The following ARFGEF1 variants were observed in gnomAD, a reference collection of about 807,000 sequenced individuals.
ARFGEF1 encodes the protein ARF guanine nucleotide exchange factor 1.
In ARFGEF1, 42 loss-of-function variants were observed where a neutral mutation model predicts 231.0. The ratio of observed to expected loss-of-function variants is 0.18; its 90% confidence interval spans 0.14 to 0.24. ARFGEF1 has a LOEUF of 0.24. ARFGEF1 is among the 10% of genes least tolerant of loss of function. The pLI, the probability that ARFGEF1 is intolerant of heterozygous loss-of-function variation, is 1.00. For synonymous variants in ARFGEF1, 710 were observed against 732.3 expected (o/e 0.97, Z 0.49); for missense variants, 1,345 against 2,192.0 (o/e 0.61, Z 7.72).
At chr8:67,333,178 G>A (rs1448814608) in intron 1 of ARFGEF1, among the ~76,000 whole-genome samples, 1 of 151,928 alleles carries the variant, frequency 6.6e-6, no homozygotes, top group Non-Finnish European at 1.5e-5. Flanking sequence ...TGGACTACAG[G>A]CACGCACCAC....
At chr8:67,205,682 C>A (rs767278355) in intron 34 of ARFGEF1, among the ~76,000 whole-genome samples, 1 of 151,768 alleles carries the variant, frequency 6.6e-6, no homozygotes, top group Non-Finnish European at 1.5e-5. Context: ...CATGATGAAA[C>A]CCCATCTTTA....
chr8:67,257,697 C>A, intron 17 of ARFGEF1, 35 bp downstream of exon 17: 1 of 1,449,612 alleles, frequency 6.9e-7, no homozygotes, highest in Non-Finnish European at 9.6e-7. Context: ...TATTTTGTAC[C>A]GCTTATTGTA....
intron 34 of ARFGEF1, among the ~76,000 whole-genome samples, chr8:67,206,368 C>A (rs1459484240): frequency 2.0e-5 from 3 of 149,136 alleles, no homozygotes; most frequent in African/African-American, 7.5e-5. Flanking sequence ...TGAGATGACA[C>A]CACTGCACTC....
intron 1 of ARFGEF1, among the ~76,000 whole-genome samples, chr8:67,334,132 G>A (rs192394236): frequency 4.8e-4 from 57 of 118,678 alleles, no homozygotes; most frequent in African/African-American, 1.6e-3. Flanking sequence ...GCTAAACTCC[G>A]TCTCAAAAAA....
chr8:67,289,187 C>A (rs149052977), intron 6 of ARFGEF1, among the ~76,000 whole-genome samples: 6 of 152,096 alleles, frequency 3.9e-5, no homozygotes, highest in African/African-American at 1.4e-4. Context: ...CCGTTCTACA[C>A]CAAAGGGCAT....
intron 15 of ARFGEF1, among the ~76,000 whole-genome samples, chr8:67,258,995 C>T (rs1840556482): frequency 6.6e-6 from 1 of 152,094 alleles, no homozygotes; most frequent in South Asian, 2.1e-4. Flanking sequence ...ACTCTACTCC[C>T]ATATCTAGAT....
intron 7 of ARFGEF1, among the ~76,000 whole-genome samples, chr8:67,282,494 G>GA (rs1321616113): frequency 6.6e-6 from 1 of 152,094 alleles, no homozygotes; most frequent in Admixed American, 6.6e-5. Flanking sequence ...GACAAAAACA[G>GA]AAACCACAAA....
At position 67,238,744 on chromosome 8, in the gene ARFGEF1, T is replaced by C; in HGVS notation, c.3129A>G (p.Ser1043=). The change falls in exon 21 of 39, where the codon TCA becomes TCG. Residue 1043 remains serine (S), a synonymous_variant. Transcript: ENST00000262215. ...AHTDGNYLGN[S]WHEILKCISQ... is the part of the protein sequence containing the mutation. The stretch of plus-strand genomic sequence containing the variant: ...AATAAAGTGCTTATACCTCATGCCA[T>C]GAATTTCCTAAATAATTTCCATCTG... 1.2e-6 allele frequency: 2 copies of C among 1,613,770 alleles called. No homozygotes were observed. Among genetic ancestry groups the C allele is most frequent in the South Asian group, 1.1e-5 (1 of 91,050 alleles).
intron 1 of ARFGEF1, among the ~76,000 whole-genome samples, chr8:67,321,618 G>A (rs1240194860): frequency 1.3e-5 from 2 of 151,510 alleles, no homozygotes; most frequent in East Asian, 1.9e-4. Flanking sequence ...CCGCCACCAC[G>A]CCCGGCTATT....
intron 34 of ARFGEF1, among the ~76,000 whole-genome samples, chr8:67,206,477 G>C (rs112372501): frequency 4.3e-5 from 6 of 139,342 alleles, no homozygotes; most frequent in African/African-American, 1.4e-4. Context: ...AAACTGCAAA[G>C]TAACAAAAGT....
intron 5 of ARFGEF1, among the ~76,000 whole-genome samples, chr8:67,188,584 C>T (rs1453333776): frequency 1.3e-5 from 2 of 152,194 alleles, no homozygotes; most frequent in Admixed American, 6.5e-5. Flanking sequence ...TATTTTCATT[C>T]TATTAAATCT....
intron 27 of ARFGEF1, among the ~76,000 whole-genome samples, chr8:67,226,649 T>C (rs1839384008): frequency 6.6e-6 from 1 of 152,120 alleles, no homozygotes; most frequent in African/African-American, 2.4e-5. Context: ...ATGGTCATCA[T>C]TGTCATCTTC....
In ARFGEF1 at chr8:67,185,062, A is replaced by G. The variant is rs1343709399; in HGVS notation, c.561-9490T>C. Reference sequence around the variant, plus strand: ...GGAGCTTGCAGTGAGCTGAGATCGCACCACTGCACTCCAGCCTGGGCGACA... The same window carrying G: ...GGAGCTTGCAGTGAGCTGAGATCGCGCCACTGCACTCCAGCCTGGGCGACA... On this transcript the variant is annotated intron_variant, in intron 5 of 5. Transcript: ENST00000518789. Among the ~76,000 whole-genome samples the G allele has an allele frequency of 3.4e-5, 5 of 148,540 alleles. No individual in the cohort carries two copies. In the East Asian group the frequency reaches 9.9e-4, roughly 29 times the overall value.
intron 9 of ARFGEF1, among the ~76,000 whole-genome samples, chr8:67,273,419 C>CAAAAAAA (rs58580002): frequency 5.8e-4 from 33 of 56,612 alleles, no homozygotes; most frequent in African/African-American, 1.9e-3. Flanking sequence ...TTTTTTTTCC[C>CAAAAAAA]AAAAAAAAAA....
intron 29 of ARFGEF1, among the ~76,000 whole-genome samples, chr8:67,223,796 A>G (rs1160986326): frequency 1.3e-5 from 2 of 152,162 alleles, no homozygotes; most frequent in East Asian, 1.9e-4. Flanking sequence ...GCTAGTCATG[A>G]TATGTCAGCC....
At chr8:67,246,571 A>G (rs1175413172) in intron 19 of ARFGEF1, among the ~76,000 whole-genome samples, 1 of 150,012 alleles carries the variant, frequency 6.7e-6, no homozygotes, top group Non-Finnish European at 1.5e-5. Flanking sequence ...GATAATGAAG[A>G]CACAACGTAC....
intron 5 of ARFGEF1, among the ~76,000 whole-genome samples, chr8:67,189,230 A>G (rs1835519181): frequency 6.6e-6 from 1 of 152,170 alleles, no homozygotes; most frequent in Non-Finnish European, 1.5e-5. Flanking sequence ...AAATAAGCAT[A>G]TTCTTACCAT....
intron 1 of ARFGEF1, among the ~76,000 whole-genome samples, chr8:67,323,713 T>C (rs1001550441): frequency 2.0e-5 from 3 of 152,190 alleles, no homozygotes; most frequent in African/African-American, 7.2e-5. Flanking sequence ...ATTCAGTGCC[T>C]CAGGTTCAAA....
At position 67,218,203 on chromosome 8, in the gene ARFGEF1, AAAAAATAT is replaced by A. The variant is rs1334106576; in HGVS notation, c.4339-73_4339-66del. ...CAACTACTATGATTAAAAAAAAAAA[AAAAAATAT>A]ATATATATATATATATATATATAAA... On this transcript the variant is annotated intron_variant, in intron 30 of 38. Transcript: ENST00000262215. 1.1e-3 allele frequency: 179 copies of A among 167,060 alleles called. 1 individual carries two copies. Among genetic ancestry groups the A allele is most frequent in the Middle Eastern group, 7.1e-3 (3 of 422 alleles). The allele number at this position is 167,060 out of a possible 1,614,324, so 10.3% of individuals were successfully genotyped here.
Sources: gnomAD v4.1 joint callset for allele counts (sites outside exome capture counted in the v4.1 genomes callset) on GRCh38, gnomAD v4.1.1 for gene constraint, MANE v1.5 for transcripts, NCBI Gene and HGNC (gene_info 2026-07-23, HGNC 2026-07-21) for gene names.